Variants in MTA3 observed in about 807,000 individuals in gnomAD.
MTA3 encodes metastasis-associated protein MTA3.
In MTA3, 34 loss-of-function variants were observed where a neutral mutation model predicts 83.5. The ratio of observed to expected loss-of-function variants is 0.41; its 90% confidence interval spans 0.31 to 0.54. The LOEUF (loss-of-function observed/expected upper bound fraction) is 0.54, where lower values mean the gene tolerates loss of function less well. Among genes scored for constraint, MTA3 ranks in the 20% least tolerant of loss-of-function variants. The pLI is 0.33. For missense variants in MTA3, 761 were observed against 726.4 expected (o/e 1.05, Z -0.55); for synonymous variants, 303 against 252.7 (o/e 1.20, Z -1.89).
At chr2:42,551,884 G>A (rs565066940) in intron 2 of MTA3, among the ~76,000 whole-genome samples, 17 of 152,018 alleles carry the variant, frequency 1.1e-4, no homozygotes, top group Admixed American at 4.6e-4. Context: ...CCGCCACCAC[G>A]CCTGGCTAAT....
At chr2:42,722,294 G>C (rs1367035260) in intron 15 of MTA3, among the ~76,000 whole-genome samples, 1 of 152,124 alleles carries the variant, frequency 6.6e-6, no homozygotes, top group Non-Finnish European at 1.5e-5. Context: ...GGCACATTAT[G>C]GTTTTGTGAT....
chr2:42,681,093 C>T (rs768337076), intron 8 of MTA3, among the ~76,000 whole-genome samples: 5 of 152,118 alleles, frequency 3.3e-5, no homozygotes, highest in South Asian at 4.2e-4. Context: ...GAAGTAACCT[C>T]GGGCCCAGGA....
In MTA3 at chr2:42,753,966, G is replaced by A. The variant is rs1161996539; in HGVS notation, c.*567G>A. 1.0e-6 allele frequency: 1 copy of A among 985,744 alleles called. No individual in the cohort carries two copies. Among genetic ancestry groups the A allele is most frequent in the Non-Finnish European group, 1.2e-6 (1 of 830,176 alleles). The allele number at this position is 985,744 out of a possible 1,614,324, so 61.1% of individuals were successfully genotyped here. A position where few individuals can be genotyped will look rare whatever the true frequency, so the allele number is the denominator to read the frequency against. ...CTTCATCCTTGTTTTTTTGAAATGG[G>A]GGAATTTGCTGTTTACCCTCTGCAT... On this transcript the variant is annotated 3_prime_UTR_variant, in exon 17 of 17. Coordinates refer to ENST00000405094, the MANE Select transcript of MTA3 (RefSeq NM_001330442.2).
intron 2 of MTA3, among the ~76,000 whole-genome samples, chr2:42,572,759 C>G (rs1041994952): frequency 1.3e-5 from 2 of 152,092 alleles, no homozygotes; most frequent in African/African-American, 4.8e-5. Flanking sequence ...GAAGTTTTCA[C>G]TCTTGTTGCC....
In MTA3 at chr2:42,633,138, C is replaced by T. The variant is rs146607224; in HGVS notation, c.318-7035C>T. Among the ~76,000 whole-genome samples, 21 of 152,058 alleles carry T rather than the reference C, an allele frequency of 1.4e-4. 1 individual carries two copies. The East Asian group carries it at 4.1e-3, about 29-fold the overall frequency. ...ATTAGCTGGGTATGGGGGTGCATGCCTGTAGTCCTAGCTACTCGGGAGGCT... is the reference window on the plus strand; with the variant it reads ...ATTAGCTGGGTATGGGGGTGCATGCTTGTAGTCCTAGCTACTCGGGAGGCT... On this transcript the variant is annotated intron_variant, in intron 4 of 16. Coordinates refer to ENST00000405094, the MANE Select transcript of MTA3 (RefSeq NM_001330442.2).
At chr2:42,546,789 C>G (rs1363081436) in intron 2 of MTA3, among the ~76,000 whole-genome samples, 1 of 152,156 alleles carries the variant, frequency 6.6e-6, no homozygotes, top group East Asian at 1.9e-4. Flanking sequence ...GTGGCGGTAA[C>G]AGAAGGGGTC....
intron 3 of MTA3, among the ~76,000 whole-genome samples, chr2:42,591,577 T>C (rs2374421): frequency 0.75 from 113,744 of 151,890 alleles, 42,938 homozygotes; most frequent in South Asian, 0.88. Flanking sequence ...ACACATTGAA[T>C]GGCTATACAA....
At chr2:42,718,216 G>C (rs1375032828) in intron 14 of MTA3, among the ~76,000 whole-genome samples, 1 of 151,404 alleles carries the variant, frequency 6.6e-6, no homozygotes, top group African/African-American at 2.4e-5. Flanking sequence ...CTTGAAGAGT[G>C]CTGTCTGTAT....
intron 4 of MTA3, among the ~76,000 whole-genome samples, chr2:42,622,645 T>A (rs923425243): frequency 3.9e-5 from 6 of 152,228 alleles, no homozygotes; most frequent in African/African-American, 1.4e-4. Context: ...GGAATCTTTT[T>A]AAAAAAATTT....
chr2:42,609,636 A>G (rs989862810), intron 4 of MTA3, 52 bp downstream of exon 4: 7 of 1,532,380 alleles, frequency 4.6e-6, no homozygotes, highest in Non-Finnish European at 6.2e-6. Context: ...ACCAAAAAAC[A>G]AAAGACTTCT....
At chr2:42,626,787 A>T (rs554126185) in intron 4 of MTA3, among the ~76,000 whole-genome samples, 1 of 151,650 alleles carries the variant, frequency 6.6e-6, no homozygotes, top group East Asian at 1.9e-4. Context: ...GTCGCCCAGG[A>T]TGTAGTATAA....
intron 2 of MTA3, among the ~76,000 whole-genome samples, chr2:42,507,789 A>C (rs1180645899): frequency 6.6e-6 from 1 of 151,716 alleles, no homozygotes; most frequent in Non-Finnish European, 1.5e-5. Flanking sequence ...AAATTAGCCA[A>C]GCACGGGGGC....
chr2:42,669,980 A>T (rs1025500432), intron 8 of MTA3, among the ~76,000 whole-genome samples: 4 of 152,136 alleles, frequency 2.6e-5, no homozygotes, highest in African/African-American at 9.7e-5. Flanking sequence ...ATTTCTTAAA[A>T]CTAGCTGGGC....
rs1318207618 is a variant in MTA3 at position 42,644,140 on chromosome 2, A to ACTCATTGGTCTAAGACCC, written c.407_408insAGACCCCTCATTGGTCTA (p.Val135_Tyr136insTer). ...CATATTTTTCAGGATACCTTCTTCT[A>ACTCATTGGTCTAAGACCC]CTCATTGGTCTATGACCCCTCATTG... On this transcript the variant is annotated stop_gained and inframe_insertion, in exon 6 of 17. Transcript: ENST00000405094. LOFTEE classifies it high-confidence loss of function. The ACTCATTGGTCTAAGACCC allele has an allele frequency of 6.2e-7, 1 of 1,602,106 alleles. No individual in the cohort carries two copies. Among genetic ancestry groups the ACTCATTGGTCTAAGACCC allele is most frequent in the East Asian group, 2.3e-5 (1 of 44,290 alleles).
At chr2:42,520,063 T>C (rs1175401670) in intron 2 of MTA3, among the ~76,000 whole-genome samples, 1 of 152,118 alleles carries the variant, frequency 6.6e-6, no homozygotes, top group Non-Finnish European at 1.5e-5. Flanking sequence ...AATAAAGTGA[T>C]TGAGTTCAAG....
intron 16 of MTA3, among the ~76,000 whole-genome samples, chr2:42,724,302 A>ACACACACACG (rs1667651444): frequency 6.7e-6 from 1 of 148,882 alleles, no homozygotes; most frequent in African/African-American, 2.5e-5. Context: ...ACACACACAC[A>ACACACACACG]CACACACACA....
intron 8 of MTA3, among the ~76,000 whole-genome samples, chr2:42,676,218 C>A (rs1691341711): frequency 6.6e-6 from 1 of 152,184 alleles, no homozygotes; most frequent in Admixed American, 6.5e-5. Context: ...AAGAGTAGAA[C>A]CTTTGAAACA....
chr2:42,621,125 T>A (rs1294952157), intron 4 of MTA3, among the ~76,000 whole-genome samples: 5 of 104,474 alleles, frequency 4.8e-5, no homozygotes, highest in Non-Finnish European at 9.3e-5. Context: ...ATGTTACTCT[T>A]ATTAGAGTTT....
intron 14 of MTA3, chr2:42,709,340 A>G: frequency 7.7e-7 from 1 of 1,302,620 alleles, no homozygotes; most frequent in Non-Finnish European, 9.8e-7. Context: ...TGCTTAGCAA[A>G]AGATTGGTGG....
Sources: allele counts gnomAD v4.1 joint callset (sites outside exome capture counted in the v4.1 genomes callset), GRCh38; gene constraint gnomAD v4.1.1; transcripts MANE v1.5; gene names NCBI Gene and HGNC (gene_info 2026-07-23, HGNC 2026-07-21).